The following SYCP1 variants were observed in gnomAD, a reference collection of about 807,000 sequenced individuals.
SYCP1 encodes cancer/testis antigen 8.
SYCP1 carries 64 observed loss-of-function variants against 153.1 expected under a neutral mutation model. That is an observed-to-expected ratio of 0.42 (90% CI 0.34 to 0.51). The LOEUF (loss-of-function observed/expected upper bound fraction) is 0.51, where lower values mean the gene tolerates loss of function less well. Among genes scored for constraint, SYCP1 ranks in the 20% least tolerant of loss-of-function variants. SYCP1 has a pLI of 0.06. For synonymous variants in SYCP1, 384 were observed against 341.8 expected (o/e 1.12, Z -1.36); for missense variants, 997 against 1,049.0 (o/e 0.95, Z 0.68).
At chr1:114,870,029 T>A (rs563136271) in intron 8 of SYCP1, among the ~76,000 whole-genome samples, 2 of 152,272 alleles carry the variant, frequency 1.3e-5, no homozygotes, top group South Asian at 2.1e-4. Context: ...TTATTTATTT[T>A]TTGAGACAGG....
intron 30 of SYCP1, among the ~76,000 whole-genome samples, chr1:114,989,630 C>G (rs1039728094): frequency 6.6e-6 from 1 of 151,702 alleles, no homozygotes; most frequent in Non-Finnish European, 1.5e-5. Context: ...ATTTTAGATC[C>G]AAAGCCACAA....
At chr1:114,918,989 C>T (rs1668685860) in intron 20 of SYCP1, among the ~76,000 whole-genome samples, 1 of 151,920 alleles carries the variant, frequency 6.6e-6, no homozygotes, top group African/African-American at 2.4e-5. Context: ...AATTTGAATG[C>T]CCTTTATTTC....
At position 114,946,259 on chromosome 1, in the gene SYCP1, T is replaced by G. The variant is rs140408977; in HGVS notation, c.2155-30T>G. 9.5e-5 allele frequency: 119 copies of G among 1,259,182 alleles called. No homozygotes were observed. In the African/African-American group the frequency reaches 1.8e-3, roughly 19 times the overall value. The allele number at this position is 1,259,182 out of a possible 1,614,324, so 78.0% of individuals were successfully genotyped here. A position where few individuals can be genotyped will look rare whatever the true frequency, so the allele number is the denominator to read the frequency against. ...TCTTATAATCTATTCAGTTTTAATATATCTAAAATGTCTTCTTTGTTTAAT... is the reference window on the plus strand; with the variant it reads ...TCTTATAATCTATTCAGTTTTAATAGATCTAAAATGTCTTCTTTGTTTAAT... On this transcript the variant is annotated intron_variant, in intron 25 of 31. Transcript: ENST00000369522.
At position 114,856,638 on chromosome 1, in the gene SYCP1, T is replaced by C. The variant is rs777251916; in HGVS notation, c.174T>C (p.Asn58=). 20 of 1,611,880 alleles carry C rather than the reference T, an allele frequency of 1.2e-5. No individual in the cohort carries two copies. Among genetic ancestry groups the C allele is most frequent in the Non-Finnish European group, 1.7e-5 (20 of 1,179,128 alleles). Reference sequence around the variant, plus strand: ...TTGCAAAGACTAATCTCTCCAAAAATGGGGAAAACATTGATTCAGGTAGGA... The same window carrying C: ...TTGCAAAGACTAATCTCTCCAAAAACGGGGAAAACATTGATTCAGGTAGGA... ...FPFAKTNLSK[N]GENIDSDPAL... Residue 58 remains asparagine, a synonymous_variant, in exon 3 of 32, where the codon AAT becomes AAC. Coordinates refer to ENST00000369522, the MANE Select transcript of SYCP1 (RefSeq NM_003176.4).
At position 114,994,928 on chromosome 1, in the gene SYCP1, C is replaced by G; in HGVS notation, c.2840C>G (p.Ala947Gly). The change falls in exon 32 of 32, where the codon GCT becomes GGT. Residue 947 changes from alanine (A) to glycine (G), a missense_variant. Ala to Gly is a moderately conservative substitution (Grantham distance 60). Transcript: ENST00000369522. ...CCTGGATCTACACTGAAGTTTGGAG[C>G]TATAAGAAAAATGCGGGAGGACCGT... ...TTPGSTLKFGAIRKMREDRWA... is the reference protein window; with the variant it reads ...TTPGSTLKFGGIRKMREDRWA... The G allele has an allele frequency of 6.2e-7, 1 of 1,608,374 alleles. No homozygotes were observed. The highest frequency in any genetic ancestry group is 1.1e-5 in the South Asian group (1 of 90,470).
intron 8 of SYCP1, among the ~76,000 whole-genome samples, chr1:114,870,128 C>T (rs7555805): frequency 0.061 from 9,261 of 152,088 alleles, 323 homozygotes; most frequent in Middle Eastern, 0.14. Context: ...ATCTTCTTAC[C>T]TCAGCCTCTT....
rs534611546 is a variant in SYCP1, at chr1:114,867,364, A to G, written c.598+6555A>G. ...TGGGAAGGATTGACATCTTGACAAT[A>G]TTGAATCTTCCTATCTATGATCATG... On this transcript the variant is annotated intron_variant, in intron 8 of 31. Transcript: ENST00000369522. Among the ~76,000 whole-genome samples the G allele has an allele frequency of 2.6e-5, 4 of 152,268 alleles. No homozygotes were observed. In the South Asian group the frequency reaches 8.3e-4, roughly 32 times the overall value.
At chr1:114,981,167 C>G (rs76237289) in intron 28 of SYCP1, among the ~76,000 whole-genome samples, 169 bp from the exon 29 acceptor site, 1,760 of 151,998 alleles carry the variant, frequency 0.012, 39 homozygotes, top group African/African-American at 0.041. Flanking sequence ...AGTAAAGTGA[C>G]AAAGAAGATA....
intron 30 of SYCP1, among the ~76,000 whole-genome samples, chr1:114,993,402 A>G (rs568868522): frequency 6.6e-6 from 1 of 151,622 alleles, no homozygotes; most frequent in East Asian, 1.9e-4. Context: ...TACATGACTA[A>G]ATTGTGTTTC....
chr1:114,944,547 T>A (rs1036560833), intron 24 of SYCP1, 92 bp downstream of exon 24: 1 of 787,212 alleles, frequency 1.3e-6, no homozygotes, highest in Non-Finnish European at 2.0e-6. Flanking sequence ...ATCTTAACTA[T>A]TAAATTACAA....
intron 8 of SYCP1, among the ~76,000 whole-genome samples, chr1:114,865,657 G>C (rs1456033628): frequency 3.3e-5 from 5 of 152,034 alleles, no homozygotes; most frequent in Non-Finnish European, 5.9e-5. Context: ...TAACTCACCA[G>C]AGTGGCATGT....
intron 15 of SYCP1, among the ~76,000 whole-genome samples, chr1:114,888,544 T>G (rs966506108): frequency 1.3e-4 from 20 of 152,190 alleles, no homozygotes; most frequent in Non-Finnish European, 2.8e-4. Context: ...CACTATAGAT[T>G]AACCCTTTAT....
At chr1:114,914,836 C>T (rs182125290) in intron 20 of SYCP1, among the ~76,000 whole-genome samples, 39 of 152,090 alleles carry the variant, frequency 2.6e-4, no homozygotes, top group Non-Finnish European at 4.3e-4. Flanking sequence ...AAGTTCAGAC[C>T]GAGATGTACA....
chr1:114,941,693 G>A (rs1171962465), intron 23 of SYCP1, among the ~76,000 whole-genome samples: 4 of 151,970 alleles, frequency 2.6e-5, no homozygotes, highest in Non-Finnish European at 4.4e-5. Flanking sequence ...TGAACTGGGG[G>A]TAAGCAGTAA....
intron 14 of SYCP1, 46 bp downstream of exon 14, chr1:114,886,355 C>T: frequency 7.1e-7 from 1 of 1,407,286 alleles, no homozygotes; most frequent in Non-Finnish European, 9.4e-7. Context: ...TGAATAAAAA[C>T]AATTTACTTT....
chr1:114,969,820 A>T (rs1361849911), intron 27 of SYCP1, among the ~76,000 whole-genome samples: 1 of 152,162 alleles, frequency 6.6e-6, no homozygotes, highest in African/African-American at 2.4e-5. Context: ...CAGAAACCAT[A>T]AGAAAAACAT....
intron 16 of SYCP1, among the ~76,000 whole-genome samples, chr1:114,903,738 G>A (rs1667626727): frequency 6.6e-6 from 1 of 152,176 alleles, no homozygotes; most frequent in Non-Finnish European, 1.5e-5. Context: ...AGAGTAGACA[G>A]ACAATCACAG....
intron 27 of SYCP1, among the ~76,000 whole-genome samples, chr1:114,955,071 A>T (rs975579134): frequency 1.3e-5 from 2 of 152,182 alleles, no homozygotes; most frequent in African/African-American, 4.8e-5. Context: ...AGTTGATGTA[A>T]TCTCCCTGTA....
rs183186197 is a variant in SYCP1 at position 114,913,494 on chromosome 1, G to A, written c.1647+344G>A. Among the ~76,000 whole-genome samples, 179 of 152,076 alleles carry A rather than the reference G, an allele frequency of 1.2e-3. 1 individual carries two copies. The highest frequency in any genetic ancestry group is 6.9e-3 in the Admixed American group (106 of 15,256). ...TCACCCTTTCTCTTTAAGAACTTAT[G>A]ACTTAATAAAAAATAGTAATTTCTC... On this transcript the variant is annotated intron_variant, in intron 19 of 31. Transcript: ENST00000369522.
Sources: gnomAD v4.1 joint callset for allele counts (sites outside exome capture counted in the v4.1 genomes callset) on GRCh38, gnomAD v4.1.1 for gene constraint, MANE v1.5 for transcripts, NCBI Gene and HGNC (gene_info 2026-07-23, HGNC 2026-07-21) for gene names.